HPSE2: variants seen among roughly 807,000 people sequenced by gnomAD.
HPSE2 encodes inactive heparanase-2.
A neutral mutation model predicts 60.5 loss-of-function variants in HPSE2; 38 were observed. That is an observed-to-expected ratio of 0.63 (90% confidence interval 0.48 to 0.82). The LOEUF is 0.82. Among genes scored for constraint, HPSE2 ranks in the 40% least tolerant of loss-of-function variants. HPSE2 has a pLI of 0.00. For missense variants in HPSE2, 713 were observed against 740.4 expected, an observed-to-expected ratio of 0.96 and a Z score of 0.43; for synonymous variants, 295 against 293.2, an observed-to-expected ratio of 1.01 and a Z score of -0.06.
chr10:99,101,283 G>A (rs1419741878), intron 3 of HPSE2, among the ~76,000 whole-genome samples: 1 of 152,130 alleles, frequency 6.6e-6, no homozygotes. Flanking sequence ...AAAATAAAGG[G>A]ATGGAGGAAG....
intron 3 of HPSE2, among the ~76,000 whole-genome samples, chr10:98,884,012 T>C (rs1478502348): frequency 6.6e-6 from 1 of 151,902 alleles, no homozygotes; most frequent in Non-Finnish European, 1.5e-5. Context: ...TTGAAGAAAA[T>C]AGAAATTTCT....
At chr10:99,276,172 A>G in the HPSE2 span, among the ~76,000 whole-genome samples, 1 of 152,240 alleles carries the variant, frequency 6.6e-6, no homozygotes, top group Non-Finnish European at 1.5e-5. Context: ...ATTACATATA[A>G]ATACAATATT....
chr10:98,587,961 T>C lies in HPSE2; in HGVS notation c.1320+26943A>G, dbSNP rs1944982859. Among the ~76,000 whole-genome samples the C allele has an allele frequency of 2.0e-5, 3 of 152,254 alleles. No homozygotes were observed. The South Asian group carries it at 6.2e-4, about 31-fold the overall frequency. ...AGTTTTCATTCTCTGTAACCAGTTT[T>C]AGCTTTCATTCTCTATATATCATGC... On this transcript the variant is annotated intron_variant, in intron 9 of 11. Transcript: ENST00000370552.
At chr10:98,912,168 A>G (rs1381747280) in intron 3 of HPSE2, among the ~76,000 whole-genome samples, 1 of 152,160 alleles carries the variant, frequency 6.6e-6, no homozygotes, top group African/African-American at 2.4e-5. Context: ...TTATTTTGGG[A>G]AAAATGCAGA....
chr10:99,062,058 G>A (rs749501677), intron 3 of HPSE2, among the ~76,000 whole-genome samples: 7 of 152,180 alleles, frequency 4.6e-5, no homozygotes, highest in African/African-American at 7.2e-5. Flanking sequence ...TTCCAAAATC[G>A]CTATCAAGAG....
chr10:98,902,226 T>G (rs1953686733), intron 3 of HPSE2, among the ~76,000 whole-genome samples: 2 of 152,260 alleles, frequency 1.3e-5, no homozygotes, highest in Non-Finnish European at 2.9e-5. Context: ...GAATACAGTT[T>G]TGCAAACTAG....
intron 3 of HPSE2, among the ~76,000 whole-genome samples, chr10:98,983,851 C>CAA (rs1956268255): frequency 4.6e-5 from 7 of 152,212 alleles, no homozygotes; most frequent in Non-Finnish European, 1.0e-4. Flanking sequence ...TTATATCCTG[C>CAA]GCCTGGCTCG....
chr10:98,802,477 C>T (rs779084969), intron 3 of HPSE2, among the ~76,000 whole-genome samples: 2 of 114,082 alleles, frequency 1.8e-5, no homozygotes, highest in Admixed American at 1.0e-4. Flanking sequence ...CCCCTCCCCC[C>T]ACCCCACAAC....
At chr10:99,160,122 A>C (rs1350285905) in intron 2 of HPSE2, among the ~76,000 whole-genome samples, 1 of 45,492 alleles carries the variant, frequency 2.2e-5, no homozygotes, top group African/African-American at 3.9e-5. Context: ...GACTCTGACA[A>C]AAAAAAAAAA....
At chr10:98,916,222 A>T (rs1049549503) in intron 3 of HPSE2, among the ~76,000 whole-genome samples, 3 of 152,222 alleles carry the variant, frequency 2.0e-5, no homozygotes, top group Non-Finnish European at 2.9e-5. Flanking sequence ...TACCAAAATT[A>T]CTTGCTATGT....
intron 3 of HPSE2, among the ~76,000 whole-genome samples, chr10:99,053,731 T>TA: frequency 7.9e-6 from 1 of 127,378 alleles, no homozygotes; most frequent in Non-Finnish European, 1.7e-5. Flanking sequence ...TTTTTTTTTT[T>TA]TTTTTTTTTT....
intron 3 of HPSE2, among the ~76,000 whole-genome samples, chr10:98,862,665 T>A (rs184833989): frequency 6.6e-6 from 1 of 152,142 alleles, no homozygotes; most frequent in Non-Finnish European, 1.5e-5. Context: ...AACATCGGAA[T>A]TGTACATGAA....
intron 2 of HPSE2, among the ~76,000 whole-genome samples, chr10:99,183,520 C>T (rs1371075184): frequency 6.6e-6 from 1 of 152,222 alleles, no homozygotes. Context: ...GATCACCACA[C>T]TACATGCCTC....
intron 9 of HPSE2, among the ~76,000 whole-genome samples, chr10:98,519,786 G>A (rs660815): frequency 0.95 from 145,309 of 152,300 alleles, 69,679 homozygotes; most frequent in East Asian, 1. Context: ...AGTCACTCTG[G>A]TGGGCTTAGG....
At position 98,479,113 on chromosome 10, in the gene HPSE2, A is replaced by T. The variant is rs1941135608; in HGVS notation, c.1613+3523T>A. On this transcript the variant is annotated intron_variant, in intron 11 of 11. Coordinates refer to ENST00000370552, the MANE Select transcript of HPSE2 (RefSeq NM_021828.5). ...CTTCCCAGGCCCAGTGGCAATTCTA[A>T]GAGAATGAGAATTACCCCATGTCCT... is the stretch of plus-strand genomic sequence containing the variant. Among the ~76,000 whole-genome samples the T allele has an allele frequency of 2.6e-5, 4 of 152,206 alleles. No individual in the cohort carries two copies. The South Asian group carries it at 8.3e-4, about 31-fold the overall frequency.
chr10:98,549,141 G>C (rs1052184788), intron 9 of HPSE2, among the ~76,000 whole-genome samples: 1 of 151,992 alleles, frequency 6.6e-6, no homozygotes, highest in Non-Finnish European at 1.5e-5. Context: ...TTCTGGAATC[G>C]AATTACCTGG....
At chr10:98,567,514 C>CTCTA (rs1334494682) in intron 9 of HPSE2, among the ~76,000 whole-genome samples, 6 of 152,290 alleles carry the variant, frequency 3.9e-5, no homozygotes, top group Middle Eastern at 3.4e-3. Context: ...TGGAAGCCTG[C>CTCTA]TCTATCCTGT....
At chr10:98,755,657 A>G (rs557604311) in intron 3 of HPSE2, among the ~76,000 whole-genome samples, 19 of 152,246 alleles carry the variant, frequency 1.2e-4, no homozygotes, top group African/African-American at 4.3e-4. Context: ...AAATCATATC[A>G]CCCACCCTCT....
At chr10:98,638,941 G>A (rs954032277) in intron 7 of HPSE2, among the ~76,000 whole-genome samples, 3 of 152,182 alleles carry the variant, frequency 2.0e-5, no homozygotes, top group African/African-American at 7.2e-5. Context: ...AACTGTGGAA[G>A]ATCATATTTT....
Sources: gnomAD v4.1 joint callset for allele counts (sites outside exome capture counted in the v4.1 genomes callset) on GRCh38, gnomAD v4.1.1 for gene constraint, MANE v1.5 for transcripts, NCBI Gene and HGNC (gene_info 2026-07-23, HGNC 2026-07-21) for gene names.